Variants in SLC35E3 observed in about 807,000 individuals in gnomAD.
The protein encoded by SLC35E3 is solute carrier family 35 member E3.
Under a neutral mutation model 30.8 loss-of-function variants are expected in SLC35E3, and 28 were observed. The observed-to-expected ratio is 0.91, with a 90% CI of 0.67 to 1.25. The LOEUF is 1.25. Ranked by LOEUF, SLC35E3 falls within the 50% of genes most tolerant of loss-of-function variation. The probability of loss-of-function intolerance (pLI) is 0.00; values close to 1 mark genes in which losing one functional copy is unlikely to be tolerated. For synonymous variants in SLC35E3, 146 were observed against 149.2 expected, an observed-to-expected ratio of 0.98 and a Z score of 0.16; for missense variants, 365 against 375.4, an observed-to-expected ratio of 0.97 and a Z score of 0.23.
At chr12:68,755,974 G>A (rs950269011) in intron 3 of SLC35E3, among the ~76,000 whole-genome samples, 3 of 152,032 alleles carry the variant, frequency 2.0e-5, no homozygotes, top group South Asian at 2.1e-4. Flanking sequence ...TAACTGGCTC[G>A]CAATCCCACA....
intron 3 of SLC35E3, among the ~76,000 whole-genome samples, chr12:68,755,722 G>A (rs549898852): frequency 6.6e-6 from 1 of 152,220 alleles, no homozygotes; most frequent in Non-Finnish European, 1.5e-5. Flanking sequence ...GGAAATGCCA[G>A]TCTCTTTTAA....
In SLC35E3 at chr12:68,776,212, C is replaced by CCAAAAAAAAAAAAAAAAAAAA. The variant is rs1879740075; in HGVS notation, c.*11322_*11323insCAAAAAAAAAAAAAAAAAAAA. 4 of 30,936 alleles carry CCAAAAAAAAAAAAAAAAAAAA rather than the reference C, an allele frequency of 1.3e-4. No individual in the cohort carries two copies. Among genetic ancestry groups the CCAAAAAAAAAAAAAAAAAAAA allele is most frequent in the East Asian group, 9.6e-4 (1 of 1,046 alleles). 1.9% of individuals were successfully genotyped at this position (30,936 alleles called of 1,614,324 possible). ...GTGACAAGAGCAAAACTCTGTCTCA[C>CCAAAAAAAAAAAAAAAAAAAA]AAAAAAAAAAAAAAGGCCAGGCATG... On this transcript the variant is annotated 3_prime_UTR_variant, in exon 5 of 5. Transcript: ENST00000398004.
intron 3 of SLC35E3, among the ~76,000 whole-genome samples, chr12:68,756,702 A>C (rs1366105319): frequency 6.6e-6 from 1 of 152,170 alleles, no homozygotes; most frequent in Admixed American, 6.6e-5. Context: ...CAGAATTAAA[A>C]ACAAAAATCA....
chr12:68,750,534 T>G (rs1878750321), intron 2 of SLC35E3, among the ~76,000 whole-genome samples: 1 of 152,140 alleles, frequency 6.6e-6, no homozygotes, highest in African/African-American at 2.4e-5. Flanking sequence ...GACATGTCCA[T>G]GGAGATCATA....
chr12:68,753,386 G>A lies in SLC35E3; in HGVS notation c.672+1196G>A, dbSNP rs144561093. Among the ~76,000 whole-genome samples the A allele has an allele frequency of 9.4e-3, 1,423 of 151,962 alleles. 13 individuals carry two copies. Among genetic ancestry groups the A allele is most frequent in the South Asian group, 0.021 (102 of 4,822 alleles). The stretch of plus-strand genomic sequence containing the variant: ...GAGGATCACTTGAGCCCAGGAGGTC[G>A]AGGCTGCAGTGAGCCAAGATAGCAC... On this transcript the variant is annotated intron_variant, in intron 3 of 4. Coordinates refer to ENST00000398004, the MANE Select transcript of SLC35E3 (RefSeq NM_018656.5).
chr12:68,752,320 G>T (rs977023009), intron 3 of SLC35E3, 130 bp downstream of exon 3: 3 of 968,032 alleles, frequency 3.1e-6, no homozygotes, highest in Non-Finnish European at 4.5e-6. Flanking sequence ...CACCATAAAA[G>T]GAGGTAAGGT....
At chr12:68,758,563 TTTAGA>T (rs1402714327) in intron 3 of SLC35E3, among the ~76,000 whole-genome samples, 2 of 152,080 alleles carry the variant, frequency 1.3e-5, no homozygotes, top group African/African-American at 2.4e-5. Context: ...ATACTTTTTC[TTTAGA>T]TTAATAAGAA....
intron 4 of SLC35E3, among the ~76,000 whole-genome samples, chr12:68,764,375 A>G (rs1264810188): frequency 6.6e-6 from 1 of 152,016 alleles, no homozygotes; most frequent in Non-Finnish European, 1.5e-5. Context: ...TGCAACCTCC[A>G]CCTCCTGGGT....
rs1016829095 is a variant in SLC35E3 at position 68,764,940 on chromosome 12, T to G, written c.*50T>G. ...GTTGTCCCAAGAAGATAAAAAATAT[T>G]GTTAAGTGTGCAAGTTATTAAAAAA... On this transcript the variant is annotated 3_prime_UTR_variant, in exon 5 of 5. Transcript: ENST00000398004. The G allele has an allele frequency of 1.3e-6, 2 of 1,575,374 alleles. No individual in the cohort carries two copies. The highest frequency in any genetic ancestry group is 1.7e-6 in the Non-Finnish European group (2 of 1,156,930).
chr12:68,751,873 A>G (rs73138289), intron 2 of SLC35E3, among the ~76,000 whole-genome samples, 159 bp from the exon 3 acceptor site: 88 of 152,354 alleles, frequency 5.8e-4, no homozygotes, highest in Non-Finnish European at 9.8e-4. Context: ...GGGCATTCAT[A>G]TAGCTTACTG....
Position 68,764,884 on chromosome 12 carries a change from T to G in SLC35E3, c.936T>G (p.Arg312=). The G allele has an allele frequency of 6.2e-7, 1 of 1,612,522 alleles. No homozygotes were observed. The highest frequency in any genetic ancestry group is 2.2e-5 in the East Asian group (1 of 44,838). Residue 312 remains arginine, a synonymous_variant, in exon 5 of 5, where the codon CGT becomes CGG. Coordinates refer to ENST00000398004, the MANE Select transcript of SLC35E3 (RefSeq NM_018656.5). ...QEGSRSKLAQ[R]P ...GAAGTAGGAGTAAACTGGCACAACG[T>G]CCTTAATTGGGTTTTTGTGGAGAAA...
intron 1 of SLC35E3, among the ~76,000 whole-genome samples, chr12:68,747,089 A>G (rs1369009820): frequency 6.6e-6 from 1 of 152,208 alleles, no homozygotes; most frequent in African/African-American, 2.4e-5. Flanking sequence ...AAAAGCTCAA[A>G]CAAAAACAGC....
intron 4 of SLC35E3, among the ~76,000 whole-genome samples, chr12:68,762,410 G>C (rs1205266249): frequency 6.6e-6 from 1 of 152,090 alleles, no homozygotes; most frequent in Non-Finnish European, 1.5e-5. Context: ...GAGGAGGCGG[G>C]GTCGGTGTCT....
intron 4 of SLC35E3, among the ~76,000 whole-genome samples, chr12:68,763,179 C>G (rs970556481): frequency 4.6e-5 from 7 of 152,154 alleles, no homozygotes; most frequent in African/African-American, 1.7e-4. Context: ...TGTATATTAA[C>G]TTATTTAATC....
At chr12:68,762,439 A>G (rs1044386834) in intron 4 of SLC35E3, among the ~76,000 whole-genome samples, 1 of 152,108 alleles carries the variant, frequency 6.6e-6, no homozygotes, top group Non-Finnish European at 1.5e-5. Flanking sequence ...TGCCGCTGGC[A>G]GGCCAAGTTC....
Position 68,774,658 on chromosome 12 carries a change from A to T in SLC35E3, c.*9768A>T, listed in dbSNP as rs1429310175. 6.6e-6 allele frequency: 1 copy of T among 151,894 alleles called. No individual in the cohort carries two copies. The highest frequency in any genetic ancestry group is 1.9e-4 in the East Asian group (1 of 5,178). The allele number at this position is 151,894 out of a possible 1,614,324, so 9.4% of individuals were successfully genotyped here. ...GAAGCTGAAGCAGGAGGATTGCCTGATCCTGGGAGGTTGAGGCTGCAGTGA... is the reference window on the plus strand; with the variant it reads ...GAAGCTGAAGCAGGAGGATTGCCTGTTCCTGGGAGGTTGAGGCTGCAGTGA... On this transcript the variant is annotated 3_prime_UTR_variant, in exon 5 of 5. Transcript: ENST00000398004.
intron 4 of SLC35E3, among the ~76,000 whole-genome samples, chr12:68,760,787 CTT>C (rs1419578574): frequency 6.6e-6 from 1 of 152,168 alleles, no homozygotes; most frequent in East Asian, 1.9e-4. Flanking sequence ...AGACAAAAGT[CTT>C]TGCTCTCACA....
At chr12:68,750,594 T>C (rs868293427) in intron 2 of SLC35E3, among the ~76,000 whole-genome samples, 1 of 152,196 alleles carries the variant, frequency 6.6e-6, no homozygotes, top group African/African-American at 2.4e-5. Context: ...CAGGCTGTGC[T>C]GCATTGAGGG....
intron 2 of SLC35E3, among the ~76,000 whole-genome samples, chr12:68,751,687 C>G (rs1308591051): frequency 6.6e-6 from 1 of 152,154 alleles, no homozygotes; most frequent in Non-Finnish European, 1.5e-5. Context: ...TCTATTTCTC[C>G]CTTATTTTCC....
Sources: allele counts gnomAD v4.1 joint callset (sites outside exome capture counted in the v4.1 genomes callset), GRCh38; gene constraint gnomAD v4.1.1; transcripts MANE v1.5; gene names NCBI Gene and HGNC (gene_info 2026-07-23, HGNC 2026-07-21).